NEGR1: variants seen among roughly 807,000 people sequenced by gnomAD.
The protein encoded by NEGR1 is IgLON family member 4.
In NEGR1, 10 loss-of-function variants were observed where a neutral mutation model predicts 40.9. The observed-to-expected ratio is 0.24, with a 90% CI of 0.15 to 0.42. The LOEUF (loss-of-function observed/expected upper bound fraction) is 0.42, where lower values mean the gene tolerates loss of function less well. Among genes scored for constraint, NEGR1 ranks in the 10% least tolerant of loss-of-function variants. The pLI, the probability that NEGR1 is intolerant of heterozygous loss-of-function variation, is 1.00. For missense variants in NEGR1, 352 were observed against 438.9 expected, an observed-to-expected ratio of 0.80 and a Z score of 1.77; for synonymous variants, 185 against 166.8, an observed-to-expected ratio of 1.11 and a Z score of -0.84.
intron 6 of NEGR1, among the ~76,000 whole-genome samples, chr1:71,519,976 T>C (rs879335272): frequency 6.6e-6 from 1 of 152,044 alleles, no homozygotes; most frequent in Non-Finnish European, 1.5e-5. Context: ...AAATATCTAG[T>C]AAAATGATTA....
At chr1:72,129,263 T>C (rs886299417) in intron 1 of NEGR1, among the ~76,000 whole-genome samples, 3 of 152,216 alleles carry the variant, frequency 2.0e-5, no homozygotes, top group African/African-American at 7.2e-5. Context: ...TTAAACTTCA[T>C]TAATAAATCT....
intron 1 of NEGR1, among the ~76,000 whole-genome samples, chr1:72,002,600 T>C (rs1307597248): frequency 6.6e-6 from 1 of 152,102 alleles, no homozygotes; most frequent in Admixed American, 6.6e-5. Context: ...ATAAAGCCTA[T>C]AGAGAAAATG....
Position 71,928,109 on chromosome 1 carries a change from T to C in NEGR1, c.409+6970A>G, listed in dbSNP as rs868513839. On this transcript the variant is annotated intron_variant, in intron 2 of 6. Transcript: ENST00000357731. ...GTATATATACACACATATGTATATA[T>C]ACACATATGTATATATACACACATA... 1.3e-4 allele frequency among the ~76,000 whole-genome samples: 13 copies of C among 97,782 alleles called. 1 individual carries two copies. The highest frequency in any genetic ancestry group is 2.5e-4 in the Admixed American group (2 of 8,098). 64.1% of individuals were successfully genotyped at this position (97,782 alleles called of 152,430 possible).
intron 1 of NEGR1, among the ~76,000 whole-genome samples, chr1:72,078,632 TA>T (rs1233189421): frequency 2.0e-5 from 3 of 147,660 alleles, no homozygotes; most frequent in African/African-American, 7.5e-5. Flanking sequence ...TATATATATA[TA>T]TATATTTATT....
intron 1 of NEGR1, among the ~76,000 whole-genome samples, chr1:72,153,964 G>A (rs1243557647): frequency 6.6e-6 from 1 of 151,638 alleles, no homozygotes; most frequent in East Asian, 1.9e-4. Flanking sequence ...GGTACTCTCG[G>A]TGAAATAAGT....
intron 1 of NEGR1, among the ~76,000 whole-genome samples, chr1:72,111,678 C>A (rs904808999): frequency 6.6e-6 from 1 of 151,594 alleles, no homozygotes; most frequent in Admixed American, 6.6e-5. Context: ...CTTTCCTTTT[C>A]GAAATGAGAA....
chr1:71,694,247 G>A (rs1461061010), intron 4 of NEGR1, among the ~76,000 whole-genome samples: 4 of 147,622 alleles, frequency 2.7e-5, no homozygotes, highest in Admixed American at 6.7e-5. Context: ...TTTTTTTCTC[G>A]TGTGTGTGTG....
At chr1:71,486,988 C>T (rs1168087823) in intron 6 of NEGR1, 1 of 151,246 alleles carries the variant, frequency 6.6e-6, no homozygotes, top group Non-Finnish European at 1.5e-5. Context: ...AACAGCAGGC[C>T]GATATAGCAG....
chr1:71,902,667 A>C (rs1480645747), intron 2 of NEGR1, among the ~76,000 whole-genome samples: 2 of 152,128 alleles, frequency 1.3e-5, no homozygotes, highest in Admixed American at 1.3e-4. Context: ...TAACTTCAGG[A>C]CATACTTAAT....
chr1:71,415,082 A>G (rs1041472887), intron 6 of NEGR1, among the ~76,000 whole-genome samples: 6 of 152,056 alleles, frequency 3.9e-5, no homozygotes, highest in African/African-American at 1.2e-4. Context: ...TAGAGGCCAA[A>G]GGTCATAGAA....
intron 1 of NEGR1, among the ~76,000 whole-genome samples, chr1:72,206,321 C>T (rs1200715453): frequency 6.6e-6 from 1 of 151,944 alleles, no homozygotes; most frequent in African/African-American, 2.4e-5. Flanking sequence ...GAGAAGAAAA[C>T]ACAAATAACT....
intron 3 of NEGR1, among the ~76,000 whole-genome samples, chr1:71,702,867 C>A (rs551164996): frequency 6.6e-6 from 1 of 152,082 alleles, no homozygotes; most frequent in East Asian, 1.9e-4. Flanking sequence ...AAGCATCAAG[C>A]TCACAGAGGT....
intron 4 of NEGR1, among the ~76,000 whole-genome samples, chr1:71,627,130 G>T (rs1307099276): frequency 6.6e-6 from 1 of 152,096 alleles, no homozygotes; most frequent in Non-Finnish European, 1.5e-5. Context: ...ATTTGACCCA[G>T]CCATCCCATT....
intron 1 of NEGR1, among the ~76,000 whole-genome samples, chr1:72,151,208 G>T (rs1651112895): frequency 6.6e-6 from 1 of 151,282 alleles, no homozygotes. Context: ...ATAAATGTTT[G>T]CTTCTGGCAG....
In NEGR1 at chr1:71,769,424, G is replaced by C. The variant is rs536946536; in HGVS notation, c.535+6748C>G. Among the ~76,000 whole-genome samples, 8 of 152,264 alleles carry C rather than the reference G, an allele frequency of 5.3e-5. 1 individual carries two copies. In the South Asian group the frequency reaches 1.7e-3, roughly 32 times the overall value. On this transcript the variant is annotated intron_variant, in intron 3 of 6. Coordinates refer to ENST00000357731, the MANE Select transcript of NEGR1 (RefSeq NM_173808.3). ...TCTATCTGGTTAATATGACTTGGCT[G>C]TGTCTTCACTCAAATCTCATCATAA... is the stretch of plus-strand genomic sequence containing the variant.
At chr1:71,865,193 C>A (rs114483508) in intron 2 of NEGR1, among the ~76,000 whole-genome samples, 1 of 152,108 alleles carries the variant, frequency 6.6e-6, no homozygotes, top group Non-Finnish European at 1.5e-5. Flanking sequence ...ATTTTCTTAG[C>A]CATACCTGAA....
chr1:71,775,476 G>C (rs1242635542), intron 3 of NEGR1, among the ~76,000 whole-genome samples: 1 of 151,420 alleles, frequency 6.6e-6, no homozygotes, highest in African/African-American at 2.4e-5. Context: ...CTCCCGAGTA[G>C]TTGGGATTAC....
intron 4 of NEGR1, among the ~76,000 whole-genome samples, chr1:71,683,563 A>G (rs1235164108): frequency 2.0e-5 from 3 of 152,118 alleles, no homozygotes; most frequent in African/African-American, 7.2e-5. Flanking sequence ...TTATACCTCA[A>G]AAGGAAAAAT....
At position 71,500,271 on chromosome 1, in the gene NEGR1, T is replaced by C. The variant is rs1173822708; in HGVS notation, c.940+92546A>G. Among the ~76,000 whole-genome samples the C allele has an allele frequency of 2.6e-5, 4 of 152,036 alleles. No individual in the cohort carries two copies. In the East Asian group the frequency reaches 7.7e-4, roughly 29 times the overall value. On this transcript the variant is annotated intron_variant, in intron 6 of 6. Transcript: ENST00000357731. Reference sequence around the variant, plus strand: ...TCCAGCTATGAGGGTGGGGTCAGCATCAGAATGAATAAAGCTATGTACGGC... The same window carrying C: ...TCCAGCTATGAGGGTGGGGTCAGCACCAGAATGAATAAAGCTATGTACGGC...
Sources: allele counts gnomAD v4.1 joint callset (sites outside exome capture counted in the v4.1 genomes callset), GRCh38; gene constraint gnomAD v4.1.1; transcripts MANE v1.5; gene names NCBI Gene and HGNC (gene_info 2026-07-23, HGNC 2026-07-21).